SMCHD1: variants seen among roughly 807,000 people sequenced by gnomAD.
SMCHD1 encodes structural maintenance of chromosomes flexible hinge domain-containing protein 1.
SMCHD1 carries 78 observed loss-of-function variants against 254.7 expected under a neutral mutation model. The observed-to-expected ratio is 0.31, with a 90% CI of 0.26 to 0.37. The LOEUF (loss-of-function observed/expected upper bound fraction) is 0.37. Among genes scored for constraint, SMCHD1 ranks in the 10% least tolerant of loss-of-function variants. The probability of loss-of-function intolerance (pLI) is 1.00; values close to 1 mark genes in which losing one functional copy is unlikely to be tolerated. For synonymous variants in SMCHD1, 766 were observed against 794.9 expected (o/e 0.96, Z 0.61); for missense variants, 1,840 against 2,408.1 (o/e 0.76, Z 4.94).
At chr18:2,792,966 C>T (rs1415019288) in intron 45 of SMCHD1, among the ~76,000 whole-genome samples, 1 of 152,200 alleles carries the variant, frequency 6.6e-6, no homozygotes, top group African/African-American at 2.4e-5. Flanking sequence ...TCCTCCTCTT[C>T]CTGGGTGGGT....
At chr18:2,717,882 GTTAT>G (rs1014788253) in intron 17 of SMCHD1, among the ~76,000 whole-genome samples, 56 of 152,178 alleles carry the variant, frequency 3.7e-4, no homozygotes, top group African/African-American at 1.3e-3. Flanking sequence ...GAGAGGTCAT[GTTAT>G]TTGTCTTCTG....
chr18:2,799,793 A>G (rs900558199), intron 47 of SMCHD1, among the ~76,000 whole-genome samples: 3 of 151,942 alleles, frequency 2.0e-5, no homozygotes, highest in African/African-American at 7.2e-5. Flanking sequence ...ATGTATCTTA[A>G]TCACATCTTC....
At chr18:2,775,191 T>C (rs778822047) in intron 41 of SMCHD1, among the ~76,000 whole-genome samples, 1 of 148,530 alleles carries the variant, frequency 6.7e-6, no homozygotes, top group Non-Finnish European at 1.5e-5. Flanking sequence ...TTATCCTCCT[T>C]CCTCAGCCTC....
intron 47 of SMCHD1, 64 bp from the exon 48 acceptor site, chr18:2,802,464 G>A: frequency 3.1e-6 from 4 of 1,282,684 alleles, no homozygotes; most frequent in Non-Finnish European, 4.4e-6. Context: ...CAGGTGTGAT[G>A]AGGGAATTCA....
chr18:2,784,892 G>A (rs951467140), intron 45 of SMCHD1: 21 of 487,770 alleles, frequency 4.3e-5, no homozygotes, highest in East Asian at 1.7e-4. Context: ...CAAGAGTGTC[G>A]CTTGAGCCCA....
chr18:2,687,478 T>C (rs563724532), intron 5 of SMCHD1, among the ~76,000 whole-genome samples: 39 of 152,326 alleles, frequency 2.6e-4, no homozygotes, highest in Non-Finnish European at 5.3e-4. Context: ...TCCTGTCTTA[T>C]CTCTTAGTCT....
At chr18:2,664,287 G>A (rs1331011461) in intron 1 of SMCHD1, among the ~76,000 whole-genome samples, 1 of 151,940 alleles carries the variant, frequency 6.6e-6, no homozygotes, top group East Asian at 1.9e-4. Flanking sequence ...TGAGTTCTCT[G>A]AATGTTTAAA....
At chr18:2,672,384 G>A (rs570096443) in intron 3 of SMCHD1, among the ~76,000 whole-genome samples, 3 of 152,088 alleles carry the variant, frequency 2.0e-5, no homozygotes, top group East Asian at 1.9e-4. Flanking sequence ...CAGCTACCAC[G>A]CCCAGCTATT....
At position 2,763,765 on chromosome 18, in the gene SMCHD1, C is replaced by A; in HGVS notation, c.4695C>A (p.Phe1565Leu). 6.2e-7 allele frequency: 1 copy of A among 1,608,566 alleles called. No homozygotes were observed. The highest frequency in any genetic ancestry group is 8.5e-7 in the Non-Finnish European group (1 of 1,177,880). ...AAGTTAGAACACTTGAATTCCCCTT[C>A]GTGAATGGTTCGGCTGAAATCATGG... ...IGKVRTLEFP[F>L]VNGSAEIMSL... Residue 1565 changes from phenylalanine (F) to leucine (L), a missense_variant, in exon 37 of 48, where the codon TTC becomes TTA. Coordinates refer to ENST00000320876, the MANE Select transcript of SMCHD1 (RefSeq NM_015295.3).
In SMCHD1 at chr18:2,655,987, G is replaced by A. The variant is rs936773700; in HGVS notation, c.-89G>A. 3.6e-6 allele frequency: 4 copies of A among 1,124,992 alleles called. No homozygotes were observed. Among genetic ancestry groups the A allele is most frequent in the South Asian group, 8.4e-5 (2 of 23,722 alleles). 69.7% of individuals were successfully genotyped at this position (1,124,992 alleles called of 1,614,324 possible). On this transcript the variant is annotated 5_prime_UTR_variant, in exon 1 of 48. Transcript: ENST00000320876. ...GCCGAGGCCTCGAGCCGCCCCGGGAGCTGGAGCTGAAGGCGCCGCGCGGAG... is the reference window on the plus strand; with the variant it reads ...GCCGAGGCCTCGAGCCGCCCCGGGAACTGGAGCTGAAGGCGCCGCGCGGAG...
intron 5 of SMCHD1, among the ~76,000 whole-genome samples, chr18:2,679,480 C>CAAAAAAAAAAAAAA (rs59034633): frequency 0.035 from 2,057 of 58,510 alleles, 271 homozygotes; most frequent in Non-Finnish European, 0.055. Context: ...ACTCCATCTC[C>CAAAAAAAAAAAAAA]AAAAAAAAAA....
intron 1 of SMCHD1, among the ~76,000 whole-genome samples, chr18:2,656,568 A>T (rs372728128): frequency 6.6e-6 from 1 of 152,332 alleles, no homozygotes. Flanking sequence ...GGGCGAGCTT[A>T]GCCCGGTTGC....
chr18:2,724,367 T>TA (rs1182953997), intron 20 of SMCHD1, among the ~76,000 whole-genome samples: 2 of 152,012 alleles, frequency 1.3e-5, no homozygotes, highest in Non-Finnish European at 2.9e-5. Context: ...AGGAACCATA[T>TA]TACTCATGGA....
intron 34 of SMCHD1, among the ~76,000 whole-genome samples, chr18:2,759,325 C>A (rs576090001): frequency 1.5e-4 from 23 of 152,210 alleles, no homozygotes; most frequent in African/African-American, 5.5e-4. Flanking sequence ...AGTTGCATTT[C>A]TTTTGCAAGC....
At chr18:2,657,637 C>T (rs1165488310) in intron 1 of SMCHD1, among the ~76,000 whole-genome samples, 1 of 152,134 alleles carries the variant, frequency 6.6e-6, no homozygotes, top group Admixed American at 6.6e-5. Context: ...CTTCCTCCTC[C>T]TTCCCACTCC....
intron 30 of SMCHD1, among the ~76,000 whole-genome samples, chr18:2,749,154 G>A (rs563399079): frequency 1.3e-5 from 2 of 152,164 alleles, no homozygotes; most frequent in Non-Finnish European, 2.9e-5. Context: ...GAGAAAGATG[G>A]GTTGAGAGAC....
chr18:2,786,049 T>C (rs116667177), intron 45 of SMCHD1, among the ~76,000 whole-genome samples: 29,375 of 152,120 alleles, frequency 0.19, 3,071 homozygotes, highest in Admixed American at 0.26. Flanking sequence ...ATAGTCTGAC[T>C]GTCACCTAGG....
chr18:2,730,310 A>G (rs1275380013), intron 24 of SMCHD1, among the ~76,000 whole-genome samples: 4 of 152,058 alleles, frequency 2.6e-5, no homozygotes, highest in African/African-American at 7.2e-5. Flanking sequence ...AGCTGGGACT[A>G]CAGGCACCCG....
chr18:2,697,531 ATGT>A (rs1472587925), intron 9 of SMCHD1, among the ~76,000 whole-genome samples: 1 of 152,198 alleles, frequency 6.6e-6, no homozygotes, highest in Non-Finnish European at 1.5e-5. Flanking sequence ...TTCACATACG[ATGT>A]TGTCCCACTT....
Sources: allele counts gnomAD v4.1 joint callset (sites outside exome capture counted in the v4.1 genomes callset), GRCh38; gene constraint gnomAD v4.1.1; transcripts MANE v1.5; gene names NCBI Gene and HGNC (gene_info 2026-07-23, HGNC 2026-07-21).